STPG2: variants seen among roughly 807,000 people sequenced by gnomAD.
The protein encoded by STPG2 is sperm tail PG-rich repeat containing 2.
A neutral mutation model predicts 54.2 loss-of-function variants in STPG2; 56 were observed. That is an observed-to-expected ratio of 1.03 (90% CI 0.83 to 1.29). The LOEUF (loss-of-function observed/expected upper bound fraction) is 1.29. Ranked by LOEUF, STPG2 falls within the 50% of genes most tolerant of loss-of-function variation. The pLI is 0.00. For synonymous variants in STPG2, 200 were observed against 181.8 expected (o/e 1.10, Z -0.81); for missense variants, 596 against 544.9 (o/e 1.09, Z -0.93).
chr4:97,931,130 C>G (rs1255877306), intron 8 of STPG2, among the ~76,000 whole-genome samples: 1 of 152,196 alleles, frequency 6.6e-6, no homozygotes, highest in Non-Finnish European at 1.5e-5. Context: ...CATCTGCAAA[C>G]AGATATAGTT....
intron 10 of STPG2, among the ~76,000 whole-genome samples, chr4:97,685,782 T>C (rs898944019): frequency 1.3e-5 from 2 of 152,198 alleles, no homozygotes; most frequent in African/African-American, 4.8e-5. Flanking sequence ...CAGCAGAACC[T>C]GGGGTTCTAA....
intron 5 of STPG2, among the ~76,000 whole-genome samples, chr4:98,091,223 C>T (rs75961234): frequency 0.061 from 9,314 of 152,062 alleles, 317 homozygotes; most frequent in Middle Eastern, 0.095. Flanking sequence ...ATGTGAACCA[C>T]TATGCATTAC....
chr4:97,843,082 A>C (rs1228865362), intron 8 of STPG2, among the ~76,000 whole-genome samples: 1 of 151,962 alleles, frequency 6.6e-6, no homozygotes. Flanking sequence ...AGATGAGATC[A>C]TCAAATTTGT....
At chr4:97,658,318 C>T (rs1375373340) in intron 10 of STPG2, among the ~76,000 whole-genome samples, 1 of 152,156 alleles carries the variant, frequency 6.6e-6, no homozygotes, top group Non-Finnish European at 1.5e-5. Context: ...TCACTAGTAA[C>T]TTTACAACAC....
chr4:98,079,468 G>A (rs1738271190), intron 5 of STPG2, among the ~76,000 whole-genome samples: 1 of 152,146 alleles, frequency 6.6e-6, no homozygotes, highest in Non-Finnish European at 1.5e-5. Context: ...TTGACTGACT[G>A]ATAACCTAAA....
At chr4:97,741,798 C>T (rs368445754) in intron 9 of STPG2, among the ~76,000 whole-genome samples, 6 of 152,076 alleles carry the variant, frequency 3.9e-5, no homozygotes, top group Admixed American at 2.0e-4. Flanking sequence ...TTGTGGAAGT[C>T]AGTGTGGCGA....
At chr4:97,750,687 A>G (rs1260088770) in intron 9 of STPG2, among the ~76,000 whole-genome samples, 1 of 151,766 alleles carries the variant, frequency 6.6e-6, no homozygotes, top group African/African-American at 2.4e-5. Flanking sequence ...GTAACTTCAG[A>G]ACAATATTTT....
chr4:97,940,637 T>C (rs985318978), intron 8 of STPG2, among the ~76,000 whole-genome samples: 7 of 152,226 alleles, frequency 4.6e-5, no homozygotes, highest in African/African-American at 1.7e-4. Flanking sequence ...TATTGTGTTA[T>C]TCAGCTCTGT....
At chr4:97,509,981 A>T (rs1471362850) in intron 4 of STPG2, among the ~76,000 whole-genome samples, 1 of 152,014 alleles carries the variant, frequency 6.6e-6, no homozygotes, top group African/African-American at 2.4e-5. Flanking sequence ...CCGTGGAAAA[A>T]TTGTCTTCCA....
intron 7 of STPG2, among the ~76,000 whole-genome samples, chr4:97,964,289 G>A (rs1481191203): frequency 6.6e-6 from 1 of 152,164 alleles, no homozygotes; most frequent in East Asian, 1.9e-4. Flanking sequence ...AAAACTGTGA[G>A]TTCTGGGAAC....
chr4:97,979,023 C>A lies in STPG2; in HGVS notation c.772+2136G>T, dbSNP rs560428921. On this transcript the variant is annotated intron_variant, in intron 6 of 10. Coordinates refer to ENST00000295268, the MANE Select transcript of STPG2 (RefSeq NM_174952.3). ...GGTGATACAAAATAGACAAAGGTGA[C>A]ACAAAACATGTAACAGCCTCACAGG... is the stretch of plus-strand genomic sequence containing the variant. Among the ~76,000 whole-genome samples, 5 of 152,238 alleles carry A rather than the reference C, an allele frequency of 3.3e-5. No homozygotes were observed. In the South Asian group the frequency reaches 1.0e-3, roughly 32 times the overall value.
At chr4:98,052,785 C>G (rs783932) in intron 5 of STPG2, among the ~76,000 whole-genome samples, 66,559 of 151,888 alleles carry the variant, frequency 0.44, 15,141 homozygotes, top group Admixed American at 0.56. Context: ...GAACCAATGA[C>G]CCATTCTGGA....
intron 6 of STPG2, among the ~76,000 whole-genome samples, chr4:97,973,032 C>A (rs906966480): frequency 2.0e-5 from 3 of 152,076 alleles, no homozygotes; most frequent in African/African-American, 7.2e-5. Flanking sequence ...GCTGTAGATA[C>A]CTGAAAATGT....
rs374829052 is a variant in STPG2, at chr4:98,125,965, CCG to C, written c.387+2461_387+2462del. On this transcript the variant is annotated intron_variant, in intron 3 of 10. Transcript: ENST00000295268. ...GCTATAGTCTGCCACACCCACTGTG[CCG>C]TGGTGTGGGGAATTCTTCCCAGTAC... 1.5e-4 allele frequency among the ~76,000 whole-genome samples: 23 copies of C among 152,318 alleles called. 1 individual carries two copies. The South Asian group carries it at 3.3e-3, about 22-fold the overall frequency.
chr4:97,553,616 T>C (rs921376600), intron 4 of STPG2, among the ~76,000 whole-genome samples: 2 of 152,206 alleles, frequency 1.3e-5, no homozygotes, highest in Non-Finnish European at 2.9e-5. Flanking sequence ...AACAGAGGAC[T>C]GGATGCCACC....
intron 5 of STPG2, among the ~76,000 whole-genome samples, chr4:98,063,504 C>A (rs1737727599): frequency 6.6e-6 from 1 of 151,452 alleles, no homozygotes; most frequent in Non-Finnish European, 1.5e-5. Flanking sequence ...AATAAAATCA[C>A]AACCTATCAA....
chr4:97,890,734 C>T (rs527900773), intron 8 of STPG2, among the ~76,000 whole-genome samples: 1 of 151,724 alleles, frequency 6.6e-6, no homozygotes, highest in African/African-American at 2.4e-5. Context: ...GATAGCTATC[C>T]CAGTTACCCT....
intron 5 of STPG2, among the ~76,000 whole-genome samples, chr4:98,041,237 G>C (rs959693794): frequency 1.3e-5 from 2 of 151,710 alleles, no homozygotes; most frequent in Non-Finnish European, 3.0e-5. Flanking sequence ...TTTGGAGAAG[G>C]CTCTAGGGTT....
chr4:97,495,756 A>G (rs1456279211), intron 4 of STPG2, among the ~76,000 whole-genome samples: 1 of 151,154 alleles, frequency 6.6e-6, no homozygotes, highest in African/African-American at 2.4e-5. Flanking sequence ...CCAAATTCTA[A>G]AATTTTAACT....
Sources: gnomAD v4.1 joint callset for allele counts (sites outside exome capture counted in the v4.1 genomes callset) on GRCh38, gnomAD v4.1.1 for gene constraint, MANE v1.5 for transcripts, NCBI Gene and HGNC (gene_info 2026-07-23, HGNC 2026-07-21) for gene names.